The following RERE variants were observed in gnomAD, a reference collection of about 807,000 sequenced individuals.
RERE encodes the protein arginine-glutamic acid dipeptide repeats protein.
Under a neutral mutation model 146.1 loss-of-function variants are expected in RERE, and 40 were observed. That is an observed-to-expected ratio of 0.27 (90% confidence interval 0.21 to 0.36). The LOEUF (loss-of-function observed/expected upper bound fraction) is 0.36. Ranked by LOEUF, RERE falls within the 10% of genes least tolerant of loss-of-function variation. RERE has a pLI of 1.00. For missense variants in RERE, 1,933 were observed against 2,138.7 expected (o/e 0.90, Z 1.90); for synonymous variants, 1,003 against 866.0 (o/e 1.16, Z -2.78).
intron 1 of RERE, among the ~76,000 whole-genome samples, chr1:8,789,301 A>AAAAAAAAAAAAAAATATATATATATAT: frequency 8.1e-5 from 2 of 24,810 alleles, no homozygotes; most frequent in Admixed American, 6.6e-4. Flanking sequence ...AAAAAAAAAA[A>AAAAAAAAAAAAAAATATATATATATAT]ATATATATAT....
chr1:8,759,867 AC>A (rs1640718830), intron 1 of RERE, among the ~76,000 whole-genome samples: 1 of 151,838 alleles, frequency 6.6e-6, no homozygotes, highest in Non-Finnish European at 1.5e-5. Flanking sequence ...ACACACACAC[AC>A]ACACACACAA....
At chr1:8,653,725 A>T (rs577512011) in intron 2 of RERE, among the ~76,000 whole-genome samples, 1 of 151,114 alleles carries the variant, frequency 6.6e-6, no homozygotes, top group Non-Finnish European at 1.5e-5. Context: ...AAGGGTTAAC[A>T]TGTTTTGTTC....
chr1:8,529,475 T>A (rs1362573113), intron 7 of RERE, among the ~76,000 whole-genome samples: 2 of 151,668 alleles, frequency 1.3e-5, no homozygotes, highest in Non-Finnish European at 2.9e-5. Flanking sequence ...ATTTTTTTTT[T>A]TTTTTTAGCA....
At chr1:8,569,686 G>C (rs924214368) in intron 4 of RERE, among the ~76,000 whole-genome samples, 1 of 152,160 alleles carries the variant, frequency 6.6e-6, no homozygotes, top group Non-Finnish European at 1.5e-5. Context: ...GAGCCCAGTA[G>C]TTTGAGACTA....
At chr1:8,479,992 G>A (rs1644809549) in intron 10 of RERE, among the ~76,000 whole-genome samples, 1 of 152,046 alleles carries the variant, frequency 6.6e-6, no homozygotes, top group African/African-American at 2.4e-5. Context: ...TGAAACTCAT[G>A]GGCCTGATTT....
intron 1 of RERE, among the ~76,000 whole-genome samples, chr1:8,738,966 ACT>A: frequency 6.6e-6 from 1 of 152,134 alleles, no homozygotes; most frequent in South Asian, 2.1e-4. Context: ...CATGTCCCAA[ACT>A]CTGTCCATCT....
intron 1 of RERE, among the ~76,000 whole-genome samples, chr1:8,695,458 A>G (rs780271163): frequency 2.2e-4 from 33 of 152,192 alleles, no homozygotes; most frequent in Non-Finnish European, 4.3e-4. Flanking sequence ...AAAAGAAACT[A>G]TCAACAAAGG....
rs187656329 is a variant in RERE, at chr1:8,776,102, G to A, written c.-145+41058C>T. 2.6e-3 allele frequency among the ~76,000 whole-genome samples: 398 copies of A among 152,206 alleles called. 3 individuals carry two copies. The highest frequency in any genetic ancestry group is 8.9e-3 in the African/African-American group (368 of 41,516). On this transcript the variant is annotated intron_variant, in intron 1 of 22. Coordinates refer to ENST00000400908, the MANE Select transcript of RERE (RefSeq NM_001042681.2). The stretch of plus-strand genomic sequence containing the variant: ...CAAGTAAACACCAAATTAGTACATC[G>A]CTTCCATACCAATTGTAATAATCTC...
In RERE at chr1:8,360,653, A is replaced by T; in HGVS notation, c.2854T>A (p.Ser952Thr). Residue 952 changes from serine to threonine, a missense_variant, in exon 18 of 23, where the codon TCG becomes ACG. This residue lies in a region of RERE where 1,255 missense variants were observed against 1,153.8 expected (regional missense o/e 1.09). Transcript: ENST00000400908. ...PQAHKHPPHLSGPSPFSMNAN... is the reference protein window; with the variant it reads ...PQAHKHPPHLTGPSPFSMNAN... ...TTCATGGAGAAGGGTGAGGGCCCCG[A>T]GAGGTGGGGAGGGTGCTTGTGGGCC... The T allele has an allele frequency of 2.0e-6, 3 of 1,501,058 alleles. No homozygotes were observed. Among genetic ancestry groups the T allele is most frequent in the Non-Finnish European group, 2.7e-6 (3 of 1,129,626 alleles). The allele number at this position is 1,501,058 out of a possible 1,614,324, so 93.0% of individuals were successfully genotyped here.
At chr1:8,494,990 T>C in intron 10 of RERE, 73 bp downstream of exon 10, 1 of 1,119,162 alleles carries the variant, frequency 8.9e-7, no homozygotes, top group Non-Finnish European at 1.4e-6. Flanking sequence ...TCCGCACTCA[T>C]CACACATTCC....
chr1:8,501,262 T>C (rs1645147585), intron 8 of RERE, among the ~76,000 whole-genome samples: 1 of 124,622 alleles, frequency 8.0e-6, no homozygotes, highest in Non-Finnish European at 1.7e-5. Flanking sequence ...GAGGGGCGCC[T>C]CTGCCCGGTC....
intron 7 of RERE, among the ~76,000 whole-genome samples, chr1:8,527,025 G>A (rs965508035): frequency 2.0e-5 from 3 of 152,194 alleles, no homozygotes; most frequent in African/African-American, 7.2e-5. Flanking sequence ...GTAATGGAAT[G>A]TCAGGAAATT....
At chr1:8,736,829 T>C (rs1444630551) in intron 1 of RERE, among the ~76,000 whole-genome samples, 1 of 145,896 alleles carries the variant, frequency 6.9e-6, no homozygotes, top group Non-Finnish European at 1.5e-5. Flanking sequence ...AGGTGTCTGT[T>C]ACCTCTAGGA....
intron 1 of RERE, among the ~76,000 whole-genome samples, chr1:8,716,673 A>G (rs1639771404): frequency 1.3e-5 from 2 of 151,616 alleles, no homozygotes; most frequent in Admixed American, 1.3e-4. Flanking sequence ...TATTACCTAG[A>G]AAAAAAAATC....
intron 7 of RERE, among the ~76,000 whole-genome samples, chr1:8,539,078 T>A (rs1163950773): frequency 1.3e-5 from 2 of 152,116 alleles, no homozygotes; most frequent in Non-Finnish European, 2.9e-5. Context: ...AGTTGAAGAG[T>A]TAAAAGACAA....
intron 1 of RERE, chr1:8,787,015 TCA>T (rs1641271218): frequency 1.7e-6 from 1 of 579,568 alleles, no homozygotes; most frequent in South Asian, 2.1e-5. Flanking sequence ...TCAGATTCTG[TCA>T]CACACACCTG....
At chr1:8,730,091 G>A (rs1283184340) in intron 1 of RERE, among the ~76,000 whole-genome samples, 1 of 152,168 alleles carries the variant, frequency 6.6e-6, no homozygotes, top group African/African-American at 2.4e-5. Flanking sequence ...TGTATGAATA[G>A]AACCAGATCC....
chr1:8,784,855 T>C (rs1641232641), intron 1 of RERE, among the ~76,000 whole-genome samples: 1 of 152,212 alleles, frequency 6.6e-6, no homozygotes, highest in Admixed American at 6.5e-5. Flanking sequence ...CACTACAATT[T>C]AATGGCTTGA....
At chr1:8,522,603 G>A (rs1458277244) in intron 7 of RERE, among the ~76,000 whole-genome samples, 8 of 152,062 alleles carry the variant, frequency 5.3e-5, no homozygotes, top group Admixed American at 2.6e-4. Context: ...CGGGCAGGGC[G>A]GCTCACACCT....
Sources: gnomAD v4.1 joint callset for allele counts (sites outside exome capture counted in the v4.1 genomes callset) on GRCh38, gnomAD v4.1.1 for gene constraint, gnomAD v4.1.1 regional missense constraint, MANE v1.5 for transcripts, NCBI Gene and HGNC (gene_info 2026-07-23, HGNC 2026-07-21) for gene names.